Variants in WDR17 observed in about 807,000 individuals in gnomAD.
WDR17 encodes WD repeat domain 17.
A neutral mutation model predicts 161.7 loss-of-function variants in WDR17; 143 were observed. That is an observed-to-expected ratio of 0.88 (90% CI 0.77 to 1.02). WDR17 has a LOEUF of 1.02. Ranked by LOEUF, WDR17 falls within the 50% of genes least tolerant of loss-of-function variation. The pLI is 0.00. For missense variants in WDR17, 1,469 were observed against 1,520.9 expected (o/e 0.97, Z 0.57); for synonymous variants, 517 against 515.6 (o/e 1.00, Z -0.04).
At chr4:176,152,382 G>T (rs1747310404) in intron 17 of WDR17, among the ~76,000 whole-genome samples, 1 of 150,884 alleles carries the variant, frequency 6.6e-6, no homozygotes. Flanking sequence ...GGATCACGAG[G>T]TCAGGAGATT....
At chr4:176,151,117 A>G (rs1339508744) in intron 16 of WDR17, among the ~76,000 whole-genome samples, 1 of 152,232 alleles carries the variant, frequency 6.6e-6, no homozygotes, top group African/African-American at 2.4e-5. Context: ...CAGTTGTGCC[A>G]GAGATGTGGA....
At chr4:176,143,346 C>A (rs1745598179) in intron 11 of WDR17, among the ~76,000 whole-genome samples, 1 of 152,016 alleles carries the variant, frequency 6.6e-6, no homozygotes, top group Non-Finnish European at 1.5e-5. Flanking sequence ...AATCAGCCAC[C>A]AATTCCTGTA....
chr4:176,174,586 A>C lies in WDR17; in HGVS notation c.3348-31A>C, dbSNP rs1284925958. 2.6e-6 allele frequency: 4 copies of C among 1,517,032 alleles called. No homozygotes were observed. The East Asian group carries it at 9.2e-5, about 35-fold the overall frequency. The allele number at this position is 1,517,032 out of a possible 1,614,324, so 94.0% of individuals were successfully genotyped here. On this transcript the variant is annotated intron_variant, in intron 25 of 28. Coordinates refer to ENST00000508596, the MANE Select transcript of WDR17 (RefSeq NM_181265.4). Reference sequence around the variant, plus strand: ...TAATGTTCTATGCCTCAAATTGTGGAATTTATAAAAATAAATATATTCTCT... The same window carrying C: ...TAATGTTCTATGCCTCAAATTGTGGCATTTATAAAAATAAATATATTCTCT...
chr4:176,138,197 G>A (rs181997846), intron 9 of WDR17, among the ~76,000 whole-genome samples: 10 of 151,686 alleles, frequency 6.6e-5, no homozygotes, highest in South Asian at 4.1e-4. Flanking sequence ...CAAAATATTA[G>A]GTATGAATCA....
chr4:176,076,244 TATATATATATACAC>T (rs1218143817), intron 1 of WDR17, among the ~76,000 whole-genome samples: 3 of 61,850 alleles, frequency 4.9e-5, no homozygotes, highest in African/African-American at 1.3e-4. Context: ...TATATATATA[TATATATATATACAC>T]ACACACACAC....
rs1314530997 is a variant in WDR17 at position 176,151,984 on chromosome 4, G to A, written c.2460+17G>A. On this transcript the variant is annotated intron_variant, in intron 17 of 28. Transcript: ENST00000508596. ...CTTGGAGAGGTAATGTGCTATGAAA[G>A]TAAAACTAATGAGTTTAACATAGTA... 1 of 1,605,886 alleles carries A rather than the reference G, an allele frequency of 6.2e-7. No homozygotes were observed. The highest frequency in any genetic ancestry group is 1.1e-5 in the South Asian group (1 of 88,906).
chr4:176,160,333 T>A (rs1748843425), intron 19 of WDR17, among the ~76,000 whole-genome samples: 1 of 152,182 alleles, frequency 6.6e-6, no homozygotes, highest in South Asian at 2.1e-4. Flanking sequence ...TATTTATTTA[T>A]TTTTTTGAGA....
Position 176,181,885 on chromosome 4 carries a change from T to C in WDR17, c.*2306T>C, listed in dbSNP as rs1483841488. ...TACAACAGAATAGCCACCCAATTTC[T>C]GTCTGAAATCTAAATTGGATGGATT... is the stretch of plus-strand genomic sequence containing the variant. On this transcript the variant is annotated 3_prime_UTR_variant, in exon 29 of 29. Coordinates refer to ENST00000508596, the MANE Select transcript of WDR17 (RefSeq NM_181265.4). 1 of 152,174 alleles carries C rather than the reference T, an allele frequency of 6.6e-6. No homozygotes were observed. Among genetic ancestry groups the C allele is most frequent in the Non-Finnish European group, 1.5e-5 (1 of 67,996 alleles). 9.4% of individuals were successfully genotyped at this position (152,174 alleles called of 1,614,324 possible).
chr4:176,109,799 A>T (rs1417548112), intron 1 of WDR17, among the ~76,000 whole-genome samples: 1 of 152,126 alleles, frequency 6.6e-6, no homozygotes, highest in African/African-American at 2.4e-5. Context: ...TGTAGATCAG[A>T]TGTGTATAAA....
At chr4:176,113,074 CTCACACTTCTTCATTT>C (rs1740036281) in intron 2 of WDR17, among the ~76,000 whole-genome samples, 2 of 151,828 alleles carry the variant, frequency 1.3e-5, no homozygotes, top group Non-Finnish European at 2.9e-5. Flanking sequence ...TTCAATATAA[CTCACACTTCTTCATTT>C]TCACCCCCTT....
chr4:176,117,446 T>A (rs765912082), intron 3 of WDR17, among the ~76,000 whole-genome samples: 32 of 152,044 alleles, frequency 2.1e-4, no homozygotes, highest in African/African-American at 7.2e-4. Flanking sequence ...ATATTATTGT[T>A]CTCGTAAAGA....
At chr4:176,172,287 A>G in intron 23 of WDR17, 88 bp from the exon 24 acceptor site, 5 of 1,210,064 alleles carry the variant, frequency 4.1e-6, no homozygotes, top group Non-Finnish European at 5.8e-6. Flanking sequence ...AAACCATACT[A>G]GGAAAGCTGA....
intron 23 of WDR17, among the ~76,000 whole-genome samples, chr4:176,169,045 A>G (rs979580611): frequency 1.3e-5 from 2 of 152,184 alleles, no homozygotes; most frequent in Non-Finnish European, 2.9e-5. Flanking sequence ...ATACAAAGAA[A>G]ACTCAGAGAA....
chr4:176,155,178 A>G (rs867120012), intron 17 of WDR17, among the ~76,000 whole-genome samples: 24 of 152,252 alleles, frequency 1.6e-4, no homozygotes, highest in African/African-American at 5.5e-4. Context: ...CATATTTTTC[A>G]AAGTACATAT....
intron 7 of WDR17, among the ~76,000 whole-genome samples, chr4:176,133,107 A>G (rs1579141489): frequency 6.6e-6 from 1 of 151,508 alleles, no homozygotes; most frequent in East Asian, 1.9e-4. Context: ...AAAAGAAAAA[A>G]TATACTAACA....
At chr4:176,166,175 C>T in intron 22 of WDR17, 1 of 751,014 alleles carries the variant, frequency 1.3e-6, no homozygotes, top group Non-Finnish European at 2.1e-6. Flanking sequence ...AGAACACATT[C>T]CTTTAAAATG....
intron 1 of WDR17, among the ~76,000 whole-genome samples, chr4:176,100,945 T>A (rs1233653583): frequency 6.6e-6 from 1 of 152,136 alleles, no homozygotes; most frequent in Admixed American, 6.6e-5. Context: ...TTGATCTATA[T>A]GTCTATTTTT....
Position 176,182,580 on chromosome 4 carries a change from TTAG to T in WDR17, c.*3006_*3008del, listed in dbSNP as rs1384555235. On this transcript the variant is annotated 3_prime_UTR_variant, in exon 29 of 29. Transcript: ENST00000508596. The surrounding 1 kb of genome is among the most constrained non-coding windows in gnomAD (Gnocchi z 4.2). ...AAGCCTCACAAATTATTTGTAAAAT[TTAG>T]TAGTTCATATTTAGTATATCAGTAA... The T allele has an allele frequency of 6.6e-6, 1 of 152,018 alleles. No individual in the cohort carries two copies. Among genetic ancestry groups the T allele is most frequent in the African/African-American group, 2.4e-5 (1 of 41,414 alleles). 9.4% of individuals were successfully genotyped at this position (152,018 alleles called of 1,614,324 possible).
At chr4:176,168,896 G>A in intron 23 of WDR17, 113 bp downstream of exon 23, 2 of 1,268,876 alleles carry the variant, frequency 1.6e-6, no homozygotes, top group Non-Finnish European at 2.2e-6. Flanking sequence ...GGTCCCTTTG[G>A]GGTACCTACA....
Sources: allele counts gnomAD v4.1 joint callset (sites outside exome capture counted in the v4.1 genomes callset), GRCh38; gene constraint gnomAD v4.1.1; non-coding constraint Gnocchi (gnomAD v3.1); transcripts MANE v1.5; gene names NCBI Gene and HGNC (gene_info 2026-07-23, HGNC 2026-07-21).